Variants in SMG6 observed in about 807,000 individuals in gnomAD.
SMG6 encodes the protein telomerase-binding protein EST1A.
In SMG6, 66 loss-of-function variants were observed where a neutral mutation model predicts 142.2. That is an observed-to-expected ratio of 0.46 (90% CI 0.38 to 0.57). The LOEUF is 0.57. Ranked by LOEUF, SMG6 falls within the 20% of genes least tolerant of loss-of-function variation. The pLI is 0.00. For missense variants in SMG6, 1,793 were observed against 1,832.0 expected (o/e 0.98, Z 0.39); for synonymous variants, 779 against 702.4 (o/e 1.11, Z -1.72).
At chr17:2,158,382 A>G (rs974890564) in intron 13 of SMG6, among the ~76,000 whole-genome samples, 1 of 152,242 alleles carries the variant, frequency 6.6e-6, no homozygotes, top group African/African-American at 2.4e-5. Context: ...CTAGATAAGC[A>G]TTCACTACAA....
rs140151659 is a variant in SMG6 at position 2,126,504 on chromosome 17, T to A, written c.3358-40603A>T. Among the ~76,000 whole-genome samples, 93 of 152,066 alleles carry A rather than the reference T, an allele frequency of 6.1e-4. 1 individual carries two copies. Among genetic ancestry groups the A allele is most frequent in the African/African-American group, 2.1e-3 (86 of 41,480 alleles). On this transcript the variant is annotated intron_variant, in intron 13 of 18. Transcript: ENST00000263073. ...ACTTTGGGAGGCTGAGGCAGGCAGA[T>A]CACTTGAGGTCAGGAGTTGAGACCA...
At position 2,144,414 on chromosome 17, in the gene SMG6, C is replaced by T. The variant is rs1050225442; in HGVS notation, c.3357+28244G>A. The stretch of plus-strand genomic sequence containing the variant: ...AGAGATGGGTTTCTCATCATGTTTC[C>T]CGGGCGGGTCTGGAACTCCAGAGCT... On this transcript the variant is annotated intron_variant, in intron 13 of 18. Coordinates refer to ENST00000263073, the MANE Select transcript of SMG6 (RefSeq NM_017575.5). 5.8e-4 allele frequency among the ~76,000 whole-genome samples: 88 copies of T among 152,094 alleles called. 1 individual carries two copies. The highest frequency in any genetic ancestry group is 1.9e-3 in the African/African-American group (79 of 41,494).
Position 2,068,030 on chromosome 17 carries a change from C to G in SMG6, c.3835+748G>C, listed in dbSNP as rs2067998719. On this transcript the variant is annotated intron_variant, in intron 16 of 18. Transcript: ENST00000263073. This position sits in a 1 kb window ranked among gnomAD's most constrained non-coding sequence, Gnocchi z 6.7. ...GACTCTCTCCCTCCACAGAGGCCAT[C>G]AGCTAGATATGAGCCCAGAGCCCAG... Among the ~76,000 whole-genome samples the G allele has an allele frequency of 6.6e-6, 1 of 152,200 alleles. No homozygotes were observed. Among genetic ancestry groups the G allele is most frequent in the South Asian group, 2.1e-4 (1 of 4,826 alleles).
At chr17:2,302,791 G>C (rs2075312603) in intron 1 of SMG6, among the ~76,000 whole-genome samples, 1 of 152,018 alleles carries the variant, frequency 6.6e-6, no homozygotes, top group Non-Finnish European at 1.5e-5. Context: ...GCTCACCCTC[G>C]GCAGTCTGTA....
At chr17:2,168,013 G>A (rs1019536861) in intron 13 of SMG6, among the ~76,000 whole-genome samples, 2 of 151,890 alleles carry the variant, frequency 1.3e-5, no homozygotes, top group East Asian at 1.9e-4. Context: ...GACTACAGGC[G>A]CTTGCCACCA....
intron 14 of SMG6, among the ~76,000 whole-genome samples, chr17:2,083,381 G>A (rs1404020671): frequency 2.0e-5 from 3 of 152,114 alleles, no homozygotes; most frequent in South Asian, 4.1e-4. Flanking sequence ...ATCCCTAAGC[G>A]ACTAAACTGT....
intron 18 of SMG6, among the ~76,000 whole-genome samples, chr17:2,064,142 C>G (rs1469420072): frequency 6.6e-6 from 1 of 152,048 alleles, no homozygotes; most frequent in Non-Finnish European, 1.5e-5. Context: ...GAAACACGCA[C>G]AGAAAGGAGA....
At chr17:2,229,704 A>G (rs578256968) in intron 10 of SMG6, among the ~76,000 whole-genome samples, 6 of 152,212 alleles carry the variant, frequency 3.9e-5, no homozygotes, top group African/African-American at 1.4e-4. Flanking sequence ...GAAAACTACA[A>G]TTCTTCCTCA....
chr17:2,285,766 C>T (rs897195419), intron 6 of SMG6, among the ~76,000 whole-genome samples: 15 of 152,146 alleles, frequency 9.9e-5, no homozygotes, highest in Non-Finnish European at 2.2e-4. Flanking sequence ...CTCCACCTCC[C>T]GGATTTGAGC....
chr17:2,168,653 G>C (rs1173659755), intron 13 of SMG6, among the ~76,000 whole-genome samples: 1 of 152,050 alleles, frequency 6.6e-6, no homozygotes, highest in Non-Finnish European at 1.5e-5. Context: ...CACTTTAGGA[G>C]GCCGAGGCAG....
intron 8 of SMG6, among the ~76,000 whole-genome samples, chr17:2,272,077 C>T (rs896748273): frequency 1.3e-5 from 2 of 152,176 alleles, no homozygotes; most frequent in Admixed American, 1.3e-4. Context: ...AGATCAGCCC[C>T]CTGACTACCT....
At chr17:2,118,637 G>A (rs534082671) in intron 13 of SMG6, among the ~76,000 whole-genome samples, 24 of 147,944 alleles carry the variant, frequency 1.6e-4, no homozygotes, top group Admixed American at 2.0e-4. Flanking sequence ...TTTGAGCAAC[G>A]GTCTTGCTCT....
At chr17:2,207,818 C>A (rs539787326) in intron 10 of SMG6, among the ~76,000 whole-genome samples, 2 of 152,210 alleles carry the variant, frequency 1.3e-5, no homozygotes, top group South Asian at 4.2e-4. Context: ...GGATTAGCAA[C>A]CCCCTGCCAA....
At chr17:2,087,122 C>T in intron 13 of SMG6, 1 of 1,290,530 alleles carries the variant, frequency 7.7e-7, no homozygotes, top group Non-Finnish European at 1.0e-6. Flanking sequence ...TTCTCTCTCT[C>T]ATGTGGACAG....
intron 13 of SMG6, 79 bp downstream of exon 13, chr17:2,172,579 G>A (rs2071537632): frequency 6.6e-7 from 1 of 1,507,092 alleles, no homozygotes; most frequent in Admixed American, 1.7e-5. Flanking sequence ...CATTTGCACA[G>A]AAAACTTCCC....
chr17:2,092,293 A>G lies in SMG6; in HGVS notation c.3358-6392T>C, dbSNP rs534936747. 3.3e-4 allele frequency among the ~76,000 whole-genome samples: 50 copies of G among 152,264 alleles called. 1 individual carries two copies. Among genetic ancestry groups the G allele is most frequent in the South Asian group, 2.1e-3 (10 of 4,824 alleles). ...TCCAGATCCAACCCTCCGTAGTCCT[A>G]TGGTTGGCCTGTGCTAGCTGAAGGG... On this transcript the variant is annotated intron_variant, in intron 13 of 18. Transcript: ENST00000263073.
intron 9 of SMG6, among the ~76,000 whole-genome samples, chr17:2,238,526 G>A (rs148995064): frequency 6.6e-6 from 1 of 152,198 alleles, no homozygotes; most frequent in Non-Finnish European, 1.5e-5. Flanking sequence ...GGTCAGAGGT[G>A]GGGAGGGGGC....
intron 13 of SMG6, chr17:2,088,552 A>T: frequency 1.0e-6 from 1 of 985,446 alleles, no homozygotes; most frequent in Non-Finnish European, 1.2e-6. Flanking sequence ...GCTGTGATCT[A>T]CTGGGGTCTC....
chr17:2,250,062 GAGT>G (rs2074012840), intron 8 of SMG6, among the ~76,000 whole-genome samples: 1 of 152,216 alleles, frequency 6.6e-6, no homozygotes, highest in South Asian at 2.1e-4. Context: ...GTAGTCTGAG[GAGT>G]AGATGTTTTA....
Sources: gnomAD v4.1 joint callset for allele counts (sites outside exome capture counted in the v4.1 genomes callset) on GRCh38, gnomAD v4.1.1 for gene constraint, Gnocchi (gnomAD v3.1) non-coding constraint, MANE v1.5 for transcripts, NCBI Gene and HGNC (gene_info 2026-07-23, HGNC 2026-07-21) for gene names.